Variants in C9orf85 observed in about 807,000 individuals in gnomAD.
The protein encoded by C9orf85 is uncharacterized protein C9orf85.
A neutral mutation model predicts 14.9 loss-of-function variants in C9orf85; 16 were observed. That is an observed-to-expected ratio of 1.08 (90% CI 0.73 to 1.63). The LOEUF is 1.63. Ranked by LOEUF, C9orf85 falls within the 40% of genes most tolerant of loss-of-function variation. The pLI, the probability that C9orf85 is intolerant of heterozygous loss-of-function variation, is 0.00. For synonymous variants in C9orf85, 45 were observed against 56.8 expected (o/e 0.79, Z 0.93); for missense variants, 172 against 186.1 (o/e 0.92, Z 0.44).
intron 1 of C9orf85, 34 bp downstream of exon 1, chr9:71,911,870 C>A: frequency 6.3e-7 from 1 of 1,587,286 alleles, no homozygotes; most frequent in Non-Finnish European, 8.7e-7. Context: ...TCTTTGACTC[C>A]AGGAAGGAAT....
chr9:71,944,995 C>T (rs560125569), intron 1 of C9orf85, among the ~76,000 whole-genome samples: 1 of 152,064 alleles, frequency 6.6e-6, no homozygotes, highest in Non-Finnish European at 1.5e-5. Flanking sequence ...CTTTGTAAAT[C>T]AAGATGAACT....
At chr9:71,971,786 A>C (rs1452660085) in intron 3 of C9orf85, among the ~76,000 whole-genome samples, 168 bp downstream of exon 3, 2 of 152,116 alleles carry the variant, frequency 1.3e-5, no homozygotes, top group Non-Finnish European at 2.9e-5. Context: ...AGACTGGCCA[A>C]GATGGTGAAA....
In C9orf85 at chr9:71,973,108, A is replaced by T. The variant is rs1159202961; in HGVS notation, c.*266A>T. The stretch of plus-strand genomic sequence containing the variant: ...TGAAGTGAGCTGAGTTCGTGCCATT[A>T]CACTCCAGCCTGGGTGACAGAGTGA... On this transcript the variant is annotated 3_prime_UTR_variant, in exon 4 of 4. Coordinates refer to ENST00000334731, the MANE Select transcript of C9orf85 (RefSeq NM_182505.5). 5.6e-6 allele frequency: 1 copy of T among 177,706 alleles called. No individual in the cohort carries two copies. Among genetic ancestry groups the T allele is most frequent in the Non-Finnish European group, 1.2e-5 (1 of 84,384 alleles). 11.0% of individuals were successfully genotyped at this position (177,706 alleles called of 1,614,324 possible).
rs1827898434 is a variant in C9orf85, at chr9:71,925,060, T to A, written c.102+13224T>A. ...TCAATGTCAGCTAGTCCTTAGTATA[T>A]TAAAAAAAAATTCCTGGCTTACTGT... On this transcript the variant is annotated intron_variant, in intron 1 of 3. Transcript: ENST00000334731. 2.0e-5 allele frequency among the ~76,000 whole-genome samples: 3 copies of A among 152,192 alleles called. No individual in the cohort carries two copies. In the South Asian group the frequency reaches 6.2e-4, roughly 31 times the overall value.
rs1208023820 is a variant in C9orf85, at chr9:71,972,742, C to T, written c.374C>T (p.Ser125Phe). The stretch of plus-strand genomic sequence containing the variant: ...GAACATACTGAAAATAATCTAAGTT[C>T]CAACCATAGAAGAAGCTGCAGAAGA... Reference protein sequence around the residue: ...KIEHTENNLSSNHRRSCRRNE... With the variant: ...KIEHTENNLSFNHRRSCRRNE... The change falls in exon 4 of 4, where the codon TCC (serine) becomes TTC (phenylalanine). Residue 125 changes from serine (S) to phenylalanine (F), a missense_variant. By Grantham distance (155) the Ser-to-Phe change is radical (BLOSUM62 -2). Transcript: ENST00000334731. The T allele has an allele frequency of 1.2e-6, 2 of 1,605,874 alleles. No homozygotes were observed. Among genetic ancestry groups the T allele is most frequent in the African/African-American group, 2.7e-5 (2 of 74,734 alleles).
At chr9:71,959,777 G>A (rs113726875) in intron 2 of C9orf85, among the ~76,000 whole-genome samples, 75 of 152,262 alleles carry the variant, frequency 4.9e-4, no homozygotes, top group South Asian at 1.9e-3. Context: ...TATAATTCAC[G>A]TGTTGTATTA....
downstream of C9orf85, chr9:71,983,420 A>G (rs1823142795): frequency 1.3e-5 from 2 of 152,226 alleles, no homozygotes; most frequent in African/African-American, 4.8e-5. Flanking sequence ...AGTCTTTTAT[A>G]TATATTCTAG....
At chr9:71,922,338 A>G (rs1827832251) in intron 1 of C9orf85, among the ~76,000 whole-genome samples, 1 of 151,990 alleles carries the variant, frequency 6.6e-6, no homozygotes. Context: ...CCAACCTTTC[A>G]ATGCTCCCTC....
chr9:71,962,218 A>T (rs558924985), intron 2 of C9orf85, among the ~76,000 whole-genome samples: 5 of 152,352 alleles, frequency 3.3e-5, no homozygotes, highest in African/African-American at 9.6e-5. Flanking sequence ...CATTAAGACA[A>T]GGTAGTATAT....
exon 4 of C9orf85, chr9:71,982,996 T>C (rs76867166): frequency 0.012 from 1,903 of 159,972 alleles, 56 homozygotes; most frequent in East Asian, 0.052. Context: ...CTTTTCTTTT[T>C]TTTTTTCCTT....
At chr9:71,968,011 T>C (rs1822745077) in intron 2 of C9orf85, among the ~76,000 whole-genome samples, 1 of 152,072 alleles carries the variant, frequency 6.6e-6, no homozygotes, top group African/African-American at 2.4e-5. Context: ...TCTTAGAACA[T>C]TGCTTTAGTG....
intron 1 of C9orf85, among the ~76,000 whole-genome samples, chr9:71,920,512 A>G (rs1007798594): frequency 6.6e-6 from 1 of 152,162 alleles, no homozygotes; most frequent in South Asian, 2.1e-4. Context: ...GAGAAACACT[A>G]TAGTAGGGAG....
intron 1 of C9orf85, chr9:71,918,361 A>G (rs755761942): frequency 3.1e-6 from 3 of 972,340 alleles, no homozygotes; most frequent in South Asian, 1.4e-5. Context: ...CAGATATTGA[A>G]TATCTCAGCT....
intron 1 of C9orf85, among the ~76,000 whole-genome samples, chr9:71,912,520 G>T (rs1827534817): frequency 2.6e-5 from 4 of 152,048 alleles, no homozygotes; most frequent in Admixed American, 2.6e-4. Context: ...GCCGAAGCGG[G>T]TGGATCACCT....
intron 2 of C9orf85, among the ~76,000 whole-genome samples, chr9:71,958,408 A>G (rs1822432917): frequency 6.6e-6 from 1 of 151,380 alleles, no homozygotes; most frequent in South Asian, 2.1e-4. Context: ...GAATGCAGGC[A>G]TGCGCCACCA....
chr9:71,950,008 G>T (rs559471518), intron 2 of C9orf85, among the ~76,000 whole-genome samples: 2 of 152,200 alleles, frequency 1.3e-5, no homozygotes, highest in East Asian at 3.9e-4. Context: ...ATATTTTGGG[G>T]TAGCATGTTC....
In C9orf85 at chr9:71,913,718, G is replaced by A. The variant is rs183730544; in HGVS notation, c.102+1882G>A. Among the ~76,000 whole-genome samples, 1,182 of 152,132 alleles carry A rather than the reference G, an allele frequency of 7.8e-3. 18 individuals are homozygous for A. Among genetic ancestry groups the A allele is most frequent in the Non-Finnish European group, 9.4e-3 (642 of 68,004 alleles). ...TTGATTGTTTTTCATGTCTGTTTTC[G>A]TAAAAAGCAGTTTTAATGAGTATTT... On this transcript the variant is annotated intron_variant, in intron 1 of 3. Coordinates refer to ENST00000334731, the MANE Select transcript of C9orf85 (RefSeq NM_182505.5).
chr9:71,968,862 T>C (rs1161196848), intron 2 of C9orf85, among the ~76,000 whole-genome samples: 3 of 152,146 alleles, frequency 2.0e-5, no homozygotes, highest in Non-Finnish European at 4.4e-5. Flanking sequence ...CAATCTAAGC[T>C]AATTCCAACT....
chr9:71,931,154 C>T (rs936275905), intron 1 of C9orf85, among the ~76,000 whole-genome samples: 1 of 152,122 alleles, frequency 6.6e-6, no homozygotes, highest in Admixed American at 6.5e-5. Context: ...AATTAAGGGA[C>T]TTTAGTCATA....
Sources: gnomAD v4.1 joint callset for allele counts (sites outside exome capture counted in the v4.1 genomes callset) on GRCh38, gnomAD v4.1.1 for gene constraint, MANE v1.5 for transcripts, NCBI Gene and HGNC (gene_info 2026-07-23, HGNC 2026-07-21) for gene names.